SLC29A2: variants seen among roughly 807,000 people sequenced by gnomAD.
SLC29A2 encodes solute carrier family 29 member 2.
Under a neutral mutation model 48.8 loss-of-function variants are expected in SLC29A2, and 37 were observed. The ratio of observed to expected loss-of-function variants is 0.76; its 90% CI spans 0.58 to 1.00. SLC29A2 has a LOEUF of 1.00. Among genes scored for constraint, SLC29A2 ranks in the 50% least tolerant of loss-of-function variants. The pLI, the probability that SLC29A2 is intolerant of heterozygous loss-of-function variation, is 0.00. For missense variants in SLC29A2, 533 were observed against 578.6 expected (o/e 0.92, Z 0.81); for synonymous variants, 233 against 261.7 (o/e 0.89, Z 1.06).
At chr11:66,364,762 C>T (rs1855575512) in intron 10 of SLC29A2, 2 of 234,810 alleles carry the variant, frequency 8.5e-6, no homozygotes, top group Admixed American at 5.1e-5. Context: ...CTGCCTCAGC[C>T]TCCCAAAGTG....
intron 10 of SLC29A2, chr11:66,364,667 C>G (rs1313250350): frequency 9.1e-6 from 4 of 439,176 alleles, no homozygotes; most frequent in Non-Finnish European, 8.2e-6. Context: ...ACCACCATGC[C>G]CAGATAATTT....
chr11:66,365,345 A>T (rs1855623144), intron 10 of SLC29A2, among the ~76,000 whole-genome samples: 1 of 152,196 alleles, frequency 6.6e-6, no homozygotes, highest in Non-Finnish European at 1.5e-5. Context: ...GCCTGGGCCA[A>T]GTCCACCCAG....
chr11:66,366,560 C>A lies in SLC29A2; in HGVS notation c.738G>T (p.Glu246Asp). 7 of 1,613,618 alleles carry A rather than the reference C, an allele frequency of 4.3e-6. No homozygotes were observed. Among genetic ancestry groups the A allele is most frequent in the African/African-American group, 1.3e-5 (1 of 75,028 alleles). Residue 246 changes from glutamate (E) to aspartate (D), a missense_variant, in exon 8 of 12, where the codon GAG (glutamate) becomes GAT (aspartate). Coordinates refer to ENST00000357440, the MANE Select transcript of SLC29A2 (RefSeq NM_001532.3). ...TCTGGGGACTACTGGGAATCCCGTT[C>A]TCATCTGGGGTGAGGGGGGACGGGG... ...ETKAELLQSD[E>D]NGIPSSPQKV...
intron 5 of SLC29A2, 122 bp from the exon 6 acceptor site, chr11:66,367,991 C>G (rs2135006690): frequency 1.3e-6 from 1 of 756,242 alleles, no homozygotes; most frequent in East Asian, 2.7e-5. Flanking sequence ...CTCTTCCGCT[C>G]CTCCCTTCAC....
Position 66,363,259 on chromosome 11 carries a change from T to C in SLC29A2, c.*177A>G. 4.5e-6 allele frequency: 3 copies of C among 669,714 alleles called. No individual in the cohort carries two copies. The highest frequency in any genetic ancestry group is 8.3e-6 in the Non-Finnish European group (3 of 363,214). 41.5% of individuals were successfully genotyped at this position (669,714 alleles called of 1,614,324 possible). A position where few individuals can be genotyped will look rare whatever the true frequency, so the allele number is the denominator to read the frequency against. ...GGTTAGAATGACCGGTGGTGATTTC[T>C]TCCCCACAGCACTCCAAGTGGATGA... On this transcript the variant is annotated 3_prime_UTR_variant, in exon 12 of 12. Coordinates refer to ENST00000357440, the MANE Select transcript of SLC29A2 (RefSeq NM_001532.3).
In SLC29A2 at chr11:66,369,371, C is replaced by G. The variant is rs190643110; in HGVS notation, c.273G>C (p.Gln91His). ...LFTLLNSFLY[Q>H]CVPETVRILG... ...AGGAGCCAGGGCAGGCCTCTCACCA[C>G]TGGTACAGGAAGGAGTTGAGGAGGG... Residue 91 changes from glutamine to histidine, a missense_variant and splice_region_variant, in exon 3 of 12, where the codon CAG becomes CAC. Coordinates refer to ENST00000357440, the MANE Select transcript of SLC29A2 (RefSeq NM_001532.3). 180 of 1,613,988 alleles carry G rather than the reference C, an allele frequency of 1.1e-4. 1 individual carries two copies. The highest frequency in any genetic ancestry group is 1.1e-3 in the Admixed American group (66 of 60,028).
intron 11 of SLC29A2, chr11:66,363,779 C>T: frequency 1.7e-6 from 1 of 571,448 alleles, no homozygotes; most frequent in Non-Finnish European, 3.1e-6. Flanking sequence ...ACAGCCTGCC[C>T]TTTCCACAGT....
chr11:66,369,513 G>A lies in SLC29A2; in HGVS notation c.131C>T (p.Ala44Val), dbSNP rs1855911762. 6.2e-7 allele frequency: 1 copy of A among 1,613,748 alleles called. No homozygotes were observed. The highest frequency in any genetic ancestry group is 8.5e-7 in the Non-Finnish European group (1 of 1,179,946). Residue 44 changes from alanine to valine, a missense_variant, in exon 3 of 12, where the codon GCC (alanine) becomes GTC (valine). Physicochemically the swap from Ala to Val is moderately conservative, Grantham distance 64. Coordinates refer to ENST00000357440, the MANE Select transcript of SLC29A2 (RefSeq NM_001532.3). ...CCTGGCTGTGCTGTTGCCGGCCCCG[G>A]CCAGTCGCGCCTGGAAGTACTGCCA... ...TAIPYFQARL[A>V]GAGNSTARIL...
intron 7 of SLC29A2, 97 bp from the exon 8 acceptor site, chr11:66,366,661 G>C: frequency 7.1e-7 from 1 of 1,401,212 alleles, no homozygotes. Context: ...TAAAACAAGT[G>C]ATCCTCAGCT....
In SLC29A2 at chr11:66,362,937, G is replaced by A. The variant is rs903032186; in HGVS notation, c.*499C>T. On this transcript the variant is annotated 3_prime_UTR_variant, in exon 12 of 12. Coordinates refer to ENST00000357440, the MANE Select transcript of SLC29A2 (RefSeq NM_001532.3). The stretch of plus-strand genomic sequence containing the variant: ...AGTGTTGGCAATGAAAACACTGCTT[G>A]AGGCTGAGCCTGGCCCTTTGAGCAC... 9.1e-6 allele frequency: 2 copies of A among 219,440 alleles called. No homozygotes were observed. The highest frequency in any genetic ancestry group is 4.6e-5 in the African/African-American group (2 of 43,366). 13.6% of individuals were successfully genotyped at this position (219,440 alleles called of 1,614,324 possible). A position where few individuals can be genotyped will look rare whatever the true frequency, so the allele number is the denominator to read the frequency against.
intron 7 of SLC29A2, 24 bp downstream of exon 7, chr11:66,367,440 C>G: frequency 6.2e-7 from 1 of 1,607,844 alleles, no homozygotes; most frequent in Non-Finnish European, 8.5e-7. Context: ...TCTCCCACCT[C>G]CCCAGGAGGG....
In SLC29A2 at chr11:66,364,225, C is replaced by G. The variant is rs760858699; in HGVS notation, c.1259G>C (p.Arg420Thr). ...LVSLTMCLAP[R>T]QVLPHEREVA... ...CCCACCCCACCCCATTGCCCCGGAC[C>G]TGGGCGCCAGGCACATGGTGAGGGA... The change falls in exon 11 of 12, where the codon AGG becomes ACG. Residue 420 changes from arginine (R) to threonine (T), a missense_variant and splice_region_variant. Physicochemically the swap from Arg to Thr is moderately conservative, Grantham distance 71 (BLOSUM62 -1). Coordinates refer to ENST00000357440, the MANE Select transcript of SLC29A2 (RefSeq NM_001532.3). 3.1e-6 allele frequency: 5 copies of G among 1,606,828 alleles called. No individual in the cohort carries two copies. The highest frequency in any genetic ancestry group is 3.4e-6 in the Non-Finnish European group (4 of 1,177,048).
chr11:66,369,684 T>C (rs1437319969), intron 2 of SLC29A2, 152 bp from the exon 3 acceptor site: 3 of 894,886 alleles, frequency 3.4e-6, no homozygotes, highest in East Asian at 2.5e-5. Context: ...CGGAGCTCCA[T>C]GAATGTGTGC....
At chr11:66,366,062 C>A in intron 9 of SLC29A2, 41 bp from the exon 10 acceptor site, 2 of 1,609,450 alleles carry the variant, frequency 1.2e-6, no homozygotes, top group Non-Finnish European at 8.5e-7. Flanking sequence ...GTCTCCAACT[C>A]CCCTCTCCCG....
chr11:66,367,381 G>A (rs1293189787), intron 7 of SLC29A2, 83 bp downstream of exon 7: 1 of 1,200,770 alleles, frequency 8.3e-7, no homozygotes, highest in Non-Finnish European at 1.2e-6. Flanking sequence ...CTCTGGCTGG[G>A]AACAGATGGA....
At chr11:66,371,043 C>T (rs1856004620) in intron 2 of SLC29A2, among the ~76,000 whole-genome samples, 1 of 152,086 alleles carries the variant, frequency 6.6e-6, no homozygotes, top group Admixed American at 6.6e-5. Context: ...TGGCCTTGCC[C>T]CTCTGAGATG....
Position 66,367,889 on chromosome 11 carries a change from G to A in SLC29A2, c.551-20C>T, listed in dbSNP as rs76729689. On this transcript the variant is annotated intron_variant, in intron 5 of 11. Coordinates refer to ENST00000357440, the MANE Select transcript of SLC29A2 (RefSeq NM_001532.3). The stretch of plus-strand genomic sequence containing the variant: ...CGCCACCTGCGGAGGAACTTCAGCT[G>A]CAGAAGAGAGGCACCTGGTCCCGCC... 5.4e-4 allele frequency: 865 copies of A among 1,605,322 alleles called. 14 individuals are homozygous for A. The East Asian group carries it at 0.018, about 34-fold the overall frequency.
upstream of SLC29A2, chr11:66,372,234 C>A (rs955928284): frequency 7.2e-5 from 11 of 152,236 alleles, no homozygotes; most frequent in Admixed American, 3.3e-4. Flanking sequence ...GCGATCCTGG[C>A]GGGCTTCGCC....
intron 2 of SLC29A2, among the ~76,000 whole-genome samples, chr11:66,370,120 C>T (rs185245738): frequency 2.1e-4 from 32 of 152,362 alleles, no homozygotes; most frequent in Non-Finnish European, 4.3e-4. Context: ...ACAGGCTGAT[C>T]GTCTCTTGCC....
Sources: allele counts gnomAD v4.1 joint callset (sites outside exome capture counted in the v4.1 genomes callset), GRCh38; gene constraint gnomAD v4.1.1; transcripts MANE v1.5; gene names NCBI Gene and HGNC (gene_info 2026-07-23, HGNC 2026-07-21).